Variants in RHCG observed in about 807,000 individuals in gnomAD.
RHCG encodes the protein Rh family C glycoprotein, also known as ammonium transporter Rh type C.
RHCG carries 39 observed loss-of-function variants against 55.3 expected under a neutral mutation model. The ratio of observed to expected loss-of-function variants is 0.70; its 90% CI spans 0.55 to 0.92. The LOEUF is 0.92. RHCG is among the 40% of genes least tolerant of loss of function. The probability of loss-of-function intolerance (pLI) is 0.00; values close to 1 mark genes in which losing one functional copy is unlikely to be tolerated. For missense variants in RHCG, 635 were observed against 627.9 expected (o/e 1.01, Z -0.12); for synonymous variants, 250 against 246.8 (o/e 1.01, Z -0.12).
At position 89,477,465 on chromosome 15, in the gene RHCG, A is replaced by C; in HGVS notation, c.1112+52T>G. Reference sequence around the variant, plus strand: ...CCCAGAGGAATAGCAGGAAGAAGGGATGGGAGAAGGAAGGGGGAAGCTCCA... The same window carrying C: ...CCCAGAGGAATAGCAGGAAGAAGGGCTGGGAGAAGGAAGGGGGAAGCTCCA... On this transcript the variant is annotated intron_variant, in intron 7 of 10. Coordinates refer to ENST00000268122, the MANE Select transcript of RHCG (RefSeq NM_016321.3). This position sits in a 1 kb window ranked among gnomAD's most constrained non-coding sequence, Gnocchi z 4.5. 6.2e-7 allele frequency: 1 copy of C among 1,603,446 alleles called. No individual in the cohort carries two copies. The highest frequency in any genetic ancestry group is 8.5e-7 in the Non-Finnish European group (1 of 1,173,822).
At chr15:89,474,909 C>G (rs1279468572) in intron 9 of RHCG, among the ~76,000 whole-genome samples, 3 of 140,000 alleles carry the variant, frequency 2.1e-5, no homozygotes, top group Non-Finnish European at 4.5e-5. Flanking sequence ...TTCCTGCCTG[C>G]CTTCCTTCCT....
chr15:89,480,123 AC>A, intron 4 of RHCG, 137 bp downstream of exon 4: 1 of 1,152,170 alleles, frequency 8.7e-7, no homozygotes, highest in South Asian at 1.4e-5. Context: ...GCAGCCATGC[AC>A]CATACCACGT....
chr15:89,485,406 C>T (rs934781468), intron 2 of RHCG, among the ~76,000 whole-genome samples: 1 of 152,206 alleles, frequency 6.6e-6, no homozygotes, highest in African/African-American at 2.4e-5. Context: ...AACTATCTTT[C>T]CTGTTTCTCT....
rs116073339 is a variant in RHCG, at chr15:89,477,330, C to T, written c.1113-124G>A. On this transcript the variant is annotated intron_variant, in intron 7 of 10. Transcript: ENST00000268122. This position sits in a 1 kb window ranked among gnomAD's most constrained non-coding sequence, Gnocchi z 4.5. ...CTTCCCACCCACAACATGGGGACACCGGACATATCAGTTGGCCTCTAAAAC... is the reference window on the plus strand; with the variant it reads ...CTTCCCACCCACAACATGGGGACACTGGACATATCAGTTGGCCTCTAAAAC... 2,540 of 1,430,792 alleles carry T rather than the reference C, an allele frequency of 1.8e-3. 47 individuals are homozygous for T. The African/African-American group carries it at 0.033, about 18-fold the overall frequency. 88.6% of individuals were successfully genotyped at this position (1,430,792 alleles called of 1,614,324 possible).
At chr15:89,487,238 A>C (rs1474588103) in intron 1 of RHCG, among the ~76,000 whole-genome samples, 1 of 151,474 alleles carries the variant, frequency 6.6e-6, no homozygotes, top group Non-Finnish European at 1.5e-5. Context: ...GCTGGGGGGG[A>C]CCCGAGGTGG....
Position 89,486,704 on chromosome 15 carries a change from G to T in RHCG, c.371+95C>A. ...AGTTGCCCTCCAGCCTCAAGCCCGG[G>T]TCCCGCCGATGGGCACGCCCTCCTC... On this transcript the variant is annotated intron_variant, in intron 2 of 10. Coordinates refer to ENST00000268122, the MANE Select transcript of RHCG (RefSeq NM_016321.3). The T allele has an allele frequency of 3.0e-6, 4 of 1,320,500 alleles. No individual in the cohort carries two copies. In the East Asian group the frequency reaches 1.1e-4, roughly 36 times the overall value. 81.8% of individuals were successfully genotyped at this position (1,320,500 alleles called of 1,614,324 possible). A position where few individuals can be genotyped will look rare whatever the true frequency, so the allele number is the denominator to read the frequency against.
chr15:89,489,575 C>A (rs1042004274), intron 1 of RHCG, among the ~76,000 whole-genome samples: 1 of 152,316 alleles, frequency 6.6e-6, no homozygotes, highest in Admixed American at 6.5e-5. Flanking sequence ...GATTCCTACT[C>A]CCTCACCCAC....
intron 9 of RHCG, among the ~76,000 whole-genome samples, chr15:89,474,717 C>T (rs530892003): frequency 2.8e-4 from 42 of 152,128 alleles, no homozygotes; most frequent in African/African-American, 8.7e-4. Flanking sequence ...CTGCTGCCTT[C>T]GTTCATTCCT....
rs867708976 is a variant in RHCG, at chr15:89,474,872, G to T, written c.1311+1883C>A. 2.9e-3 allele frequency among the ~76,000 whole-genome samples: 217 copies of T among 75,358 alleles called. 2 individuals carry two copies. The highest frequency in any genetic ancestry group is 0.015 in the African/African-American group (185 of 12,662). 49.4% of individuals were successfully genotyped at this position (75,358 alleles called of 152,430 possible). ...TGCCTGCCTGCCTTCCTTCCTGCCTGCCTTCCTTCCTGCCTGCCTTCCTTC... is the reference window on the plus strand; with the variant it reads ...TGCCTGCCTGCCTTCCTTCCTGCCTTCCTTCCTTCCTGCCTGCCTTCCTTC... On this transcript the variant is annotated intron_variant, in intron 9 of 10. Coordinates refer to ENST00000268122, the MANE Select transcript of RHCG (RefSeq NM_016321.3).
intron 1 of RHCG, among the ~76,000 whole-genome samples, chr15:89,495,452 A>T (rs947069750): frequency 6.6e-6 from 1 of 152,182 alleles, no homozygotes; most frequent in African/African-American, 2.4e-5. Flanking sequence ...AATAATTTTC[A>T]TTGGCTGATG....
intron 3 of RHCG, among the ~76,000 whole-genome samples, chr15:89,482,511 C>A (rs1385483756): frequency 1.3e-5 from 2 of 152,188 alleles, no homozygotes; most frequent in Non-Finnish European, 2.9e-5. Context: ...AGATCCCCTA[C>A]TGTCCAAAGG....
At chr15:89,474,888 GCCTT>G (rs1409295274) in intron 9 of RHCG, among the ~76,000 whole-genome samples, 7 of 90,896 alleles carry the variant, frequency 7.7e-5, no homozygotes, top group East Asian at 6.9e-4. Context: ...CTTCCTGCCT[GCCTT>G]CCTTCCTTCC....
chr15:89,478,070 T>A, intron 5 of RHCG, 96 bp from the exon 6 acceptor site: 1 of 1,456,826 alleles, frequency 6.9e-7, no homozygotes, highest in Non-Finnish European at 9.2e-7. Context: ...GGGTGCAGCC[T>A]GGCTCCTGGG....
At chr15:89,482,335 G>A (rs977280089) in intron 3 of RHCG, among the ~76,000 whole-genome samples, 2 of 152,202 alleles carry the variant, frequency 1.3e-5, no homozygotes. Context: ...TGAGTCAGGA[G>A]GAAGAGATAT....
In RHCG at chr15:89,477,187, A is replaced by T. The variant is rs1961167554; in HGVS notation, c.1132T>A (p.Phe378Ile). 1 of 1,613,988 alleles carries T rather than the reference A, an allele frequency of 6.2e-7. No individual in the cohort carries two copies. The highest frequency in any genetic ancestry group is 8.5e-7 in the Non-Finnish European group (1 of 1,180,002). Residue 378 changes from phenylalanine (F) to isoleucine (I), a missense_variant, in exon 8 of 11, where the codon TTT becomes ATT. By Grantham distance (21) the Phe-to-Ile change is conservative. Transcript: ENST00000268122. This position sits in a 1 kb window ranked among gnomAD's most constrained non-coding sequence, Gnocchi z 4.5. ...GKEGLVHSFD[F>I]QGFNGDWTAR... The stretch of plus-strand genomic sequence containing the variant: ...GTCCAGTCCCCGTTGAAACCTTGAA[A>T]GTCAAAGGAATGGACAAGCCTGGGG...
At chr15:89,480,585 G>T (rs963265261) in intron 3 of RHCG, among the ~76,000 whole-genome samples, 177 bp from the exon 4 acceptor site, 2 of 152,182 alleles carry the variant, frequency 1.3e-5, no homozygotes, top group African/African-American at 4.8e-5. Context: ...GAGAAGGTAG[G>T]GATTCCCATC....
At chr15:89,473,811 G>C (rs879844688) in intron 9 of RHCG, among the ~76,000 whole-genome samples, 5 of 152,152 alleles carry the variant, frequency 3.3e-5, no homozygotes, top group Non-Finnish European at 5.9e-5. Flanking sequence ...TGAGGTTACT[G>C]GGGGACGTCT....
chr15:89,492,491 G>A (rs548082149), intron 1 of RHCG, among the ~76,000 whole-genome samples: 3 of 152,062 alleles, frequency 2.0e-5, no homozygotes, highest in East Asian at 1.9e-4. Context: ...CCAAGACTCC[G>A]TGCCCACCTC....
chr15:89,489,636 T>A (rs1785374688), intron 1 of RHCG, among the ~76,000 whole-genome samples: 1 of 152,076 alleles, frequency 6.6e-6, no homozygotes, highest in African/African-American at 2.4e-5. Context: ...CCCCCGGTGC[T>A]CCAGCTGCTC....
Sources: gnomAD v4.1 joint callset for allele counts (sites outside exome capture counted in the v4.1 genomes callset) on GRCh38, gnomAD v4.1.1 for gene constraint, Gnocchi (gnomAD v3.1) non-coding constraint, MANE v1.5 for transcripts, NCBI Gene and HGNC (gene_info 2026-07-23, HGNC 2026-07-21) for gene names.